NBAS: variants seen among roughly 807,000 people sequenced by gnomAD.
The protein encoded by NBAS is NAG/BC035112 fusion.
Under a neutral mutation model 302.5 loss-of-function variants are expected in NBAS, and 219 were observed. The observed-to-expected ratio is 0.72, with a 90% CI of 0.65 to 0.81. The LOEUF is 0.81. NBAS is among the 30% of genes least tolerant of loss of function. The pLI is 0.00. For synonymous variants in NBAS, 1,118 were observed against 1,021.6 expected, an observed-to-expected ratio of 1.09 and a Z score of -1.80; for missense variants, 2,932 against 2,841.6, an observed-to-expected ratio of 1.03 and a Z score of -0.72.
At chr2:15,035,606 G>C in the NBAS span, among the ~76,000 whole-genome samples, 2 of 152,114 alleles carry the variant, frequency 1.3e-5, no homozygotes, top group African/African-American at 4.8e-5. Context: ...CCATCAATGA[G>C]AGACCGGATA....
Position 15,178,979 on chromosome 2 carries a change from T to G in NBAS, c.6840+9A>C. 6.2e-7 allele frequency: 1 copy of G among 1,613,150 alleles called. No homozygotes were observed. The highest frequency in any genetic ancestry group is 8.5e-7 in the Non-Finnish European group (1 of 1,179,770). ...AAAAAAGAAAGAAAGTAAATTCAAC[T>G]GGGCATACCGTAGTGACTGCCGTGA... is the stretch of plus-strand genomic sequence containing the variant. On this transcript the variant is annotated intron_variant, in intron 51 of 51. Coordinates refer to ENST00000281513, the MANE Select transcript of NBAS (RefSeq NM_015909.4).
At chr2:15,048,033 G>T in the NBAS span, among the ~76,000 whole-genome samples, 1 of 34,228 alleles carries the variant, frequency 2.9e-5, no homozygotes, top group African/African-American at 1.6e-4. Context: ...ATGGCTAGTG[G>T]AGAACTCCTG....
the NBAS span, among the ~76,000 whole-genome samples, chr2:15,074,816 C>G: frequency 6.6e-6 from 1 of 152,108 alleles, no homozygotes; most frequent in Non-Finnish European, 1.5e-5. Context: ...AGTAATAGAT[C>G]TCAAGCACCA....
chr2:15,346,806 G>T (rs1473577431), intron 35 of NBAS, among the ~76,000 whole-genome samples: 5 of 152,186 alleles, frequency 3.3e-5, no homozygotes, highest in Non-Finnish European at 7.3e-5. Context: ...ATATACCATG[G>T]AATACTATGC....
At chr2:15,454,711 C>T (rs1679170360) in intron 21 of NBAS, among the ~76,000 whole-genome samples, 1 of 152,150 alleles carries the variant, frequency 6.6e-6, no homozygotes, top group African/African-American at 2.4e-5. Context: ...CAACTCCCAT[C>T]CACAGCTGGT....
chr2:15,266,621 AATG>A (rs1383950300), intron 44 of NBAS, among the ~76,000 whole-genome samples: 1 of 152,212 alleles, frequency 6.6e-6, no homozygotes, highest in East Asian at 1.9e-4. Context: ...TAATGAAAAA[AATG>A]ATGATATATG....
chr2:15,219,678 A>G (rs1470768536), intron 47 of NBAS, among the ~76,000 whole-genome samples: 1 of 137,576 alleles, frequency 7.3e-6, no homozygotes, highest in East Asian at 2.1e-4. Flanking sequence ...AGGCAGAAGA[A>G]TTTTTCTTAG....
intron 18 of NBAS, 23 bp from the exon 19 acceptor site, chr2:15,467,430 G>A: frequency 6.4e-7 from 1 of 1,567,968 alleles, no homozygotes; most frequent in East Asian, 2.2e-5. Flanking sequence ...ACTATGTTAG[G>A]CCACTTATAT....
rs544837448 is a variant in NBAS at position 15,409,261 on chromosome 2, T to C, written c.2937+6285A>G. Among the ~76,000 whole-genome samples the C allele has an allele frequency of 4.2e-3, 639 of 152,322 alleles. 11 individuals are homozygous for C. Among genetic ancestry groups the C allele is most frequent in the Middle Eastern group, 3.4e-3 (1 of 294 alleles). On this transcript the variant is annotated intron_variant, in intron 25 of 51. Transcript: ENST00000281513. ...TATCCTTAAGTTCCATTAGAGTACA[T>C]CTAAATATAGGCTGAACTGTATTTC...
chr2:15,353,634 C>T lies in NBAS; in HGVS notation c.4008G>A (p.Glu1336=), dbSNP rs573983077. 26 of 1,614,060 alleles carry T rather than the reference C, an allele frequency of 1.6e-5. No homozygotes were observed. The South Asian group carries it at 2.9e-4, about 18-fold the overall frequency. ...EGYQDLATRQ[E]LMAFALTHCP... is the part of the protein sequence containing the mutation. ...AATGTGTCAAAGCAAAAGCCATGAG[C>T]TCTTGACGAGTGGCCAAGTCCTGGT... The change falls in exon 34 of 52, where the codon GAG becomes GAA. Residue 1336 remains glutamate (E), a synonymous_variant. Transcript: ENST00000281513.
chr2:14,789,166 G>GT, the NBAS span, among the ~76,000 whole-genome samples: 66 of 152,298 alleles, frequency 4.3e-4, no homozygotes, highest in African/African-American at 1.5e-3. Context: ...CTGGTGTGCC[G>GT]TTTTTTAAGC....
rs1192673878 is a variant in NBAS at position 15,275,753 on chromosome 2, A to G, written c.5455T>C (p.Ser1819Pro). Residue 1819 changes from serine to proline, a missense_variant, in exon 44 of 52, where the codon TCA becomes CCA. By Grantham distance (74) the Ser-to-Pro change is moderately conservative. Coordinates refer to ENST00000281513, the MANE Select transcript of NBAS (RefSeq NM_015909.4). ...GAAATAGACAAGATATTTTGACTTG[A>G]AAGAACTGGCTCCAATGCTTCAAGA... ...SPLEALEPVL[S>P]SQNILSISKL... is the part of the protein sequence containing the mutation. 6.2e-7 allele frequency: 1 copy of G among 1,614,190 alleles called. No homozygotes were observed. Among genetic ancestry groups the G allele is most frequent in the South Asian group, 1.1e-5 (1 of 91,080 alleles).
intron 44 of NBAS, among the ~76,000 whole-genome samples, chr2:15,265,089 G>C (rs16862470): frequency 6.6e-6 from 1 of 152,058 alleles, no homozygotes; most frequent in Non-Finnish European, 1.5e-5. Flanking sequence ...TGGTCCATTT[G>C]GGCCAAATTA....
chr2:15,049,255 C>G, the NBAS span, among the ~76,000 whole-genome samples: 2 of 152,234 alleles, frequency 1.3e-5, no homozygotes, highest in African/African-American at 4.8e-5. Context: ...GCACCTGTTC[C>G]TGGACTCCCT....
intron 32 of NBAS, among the ~76,000 whole-genome samples, chr2:15,358,186 C>T (rs996848850): frequency 7.2e-5 from 11 of 152,078 alleles, no homozygotes; most frequent in African/African-American, 1.4e-4. Context: ...CACTCACCTG[C>T]GCTGCCCAGC....
At chr2:14,845,818 G>T in the NBAS span, among the ~76,000 whole-genome samples, 7 of 151,892 alleles carry the variant, frequency 4.6e-5, no homozygotes, top group African/African-American at 1.7e-4. Context: ...GTAGAAGAAA[G>T]AATTAGTGAG....
At chr2:15,110,373 G>C in the NBAS span, among the ~76,000 whole-genome samples, 1 of 152,168 alleles carries the variant, frequency 6.6e-6, no homozygotes, top group African/African-American at 2.4e-5. Flanking sequence ...TGATGTGCAA[G>C]ATAATTTATT....
chr2:15,100,049 C>T, the NBAS span, among the ~76,000 whole-genome samples: 68 of 152,280 alleles, frequency 4.5e-4, 1 homozygote, highest in Middle Eastern at 3.4e-3. Context: ...TGAAGTATTT[C>T]ATTCCAATGC....
chr2:15,432,634 C>A (rs538324217), intron 21 of NBAS, among the ~76,000 whole-genome samples: 1 of 152,246 alleles, frequency 6.6e-6, no homozygotes, highest in Admixed American at 6.5e-5. Flanking sequence ...GTAATTGCCA[C>A]CTTTTAAGCA....
Sources: allele counts gnomAD v4.1 joint callset (sites outside exome capture counted in the v4.1 genomes callset), GRCh38; gene constraint gnomAD v4.1.1; transcripts MANE v1.5; gene names NCBI Gene and HGNC (gene_info 2026-07-23, HGNC 2026-07-21).